Variants in SH3GL2 observed in about 807,000 individuals in gnomAD.
SH3GL2 encodes the protein endophilin-A1.
A neutral mutation model predicts 46.0 loss-of-function variants in SH3GL2; 24 were observed. The observed-to-expected ratio is 0.52, with a 90% confidence interval of 0.38 to 0.73. The LOEUF (loss-of-function observed/expected upper bound fraction) is 0.73. SH3GL2 is among the 30% of genes least tolerant of loss of function. The probability of loss-of-function intolerance (pLI) is 0.00; values close to 1 mark genes in which losing one functional copy is unlikely to be tolerated. For missense variants in SH3GL2, 413 were observed against 424.2 expected, an observed-to-expected ratio of 0.97 and a Z score of 0.23; for synonymous variants, 196 against 147.1, an observed-to-expected ratio of 1.33 and a Z score of -2.40.
At chr9:17,622,027 T>C (rs1044636840) in intron 1 of SH3GL2, among the ~76,000 whole-genome samples, 1 of 152,214 alleles carries the variant, frequency 6.6e-6, no homozygotes, top group Non-Finnish European at 1.5e-5. Context: ...AGCCAGGAGA[T>C]CTGTCTTCTT....
In SH3GL2 at chr9:17,742,759, A is replaced by G. The variant is rs149426285; in HGVS notation, c.46-4307A>G. ...AATAGATTAGAAGTATAAAGTCTCA[A>G]TGCTGTACTAAATGGGCACCATTAA... is the stretch of plus-strand genomic sequence containing the variant. On this transcript the variant is annotated intron_variant, in intron 1 of 8. Coordinates refer to ENST00000380607, the MANE Select transcript of SH3GL2 (RefSeq NM_003026.5). Among the ~76,000 whole-genome samples, 534 of 152,312 alleles carry G rather than the reference A, an allele frequency of 3.5e-3. 4 individuals carry two copies. The highest frequency in any genetic ancestry group is 0.012 in the African/African-American group (497 of 41,574).
At chr9:17,780,178 A>T (rs529792056) in intron 3 of SH3GL2, among the ~76,000 whole-genome samples, 1 of 152,292 alleles carries the variant, frequency 6.6e-6, no homozygotes, top group Non-Finnish European at 1.5e-5. Context: ...TTAAAGGTAC[A>T]TGGTTCAAGA....
chr9:17,733,111 TC>T (rs1822227160), intron 1 of SH3GL2, among the ~76,000 whole-genome samples: 1 of 152,100 alleles, frequency 6.6e-6, no homozygotes, highest in East Asian at 1.9e-4. Flanking sequence ...CTACAGTGAT[TC>T]TTTTTTGATG....
At chr9:17,717,817 A>G (rs1821799214) in intron 1 of SH3GL2, among the ~76,000 whole-genome samples, 1 of 151,806 alleles carries the variant, frequency 6.6e-6, no homozygotes, top group South Asian at 2.1e-4. Context: ...ATTATTTAGT[A>G]GTAGTCAAAG....
At chr9:17,643,761 T>A (rs950810821) in intron 1 of SH3GL2, among the ~76,000 whole-genome samples, 35 of 152,276 alleles carry the variant, frequency 2.3e-4, no homozygotes, top group Admixed American at 2.1e-3. Context: ...ATTTTCACAT[T>A]GGTGTTCATC....
At chr9:17,613,849 T>C (rs925433029) in intron 1 of SH3GL2, among the ~76,000 whole-genome samples, 9 of 152,192 alleles carry the variant, frequency 5.9e-5, no homozygotes, top group African/African-American at 2.2e-4. Context: ...AGCTTTCCTT[T>C]TTCCCCTTCC....
intron 1 of SH3GL2, among the ~76,000 whole-genome samples, chr9:17,700,727 A>G (rs1222983747): frequency 6.6e-6 from 1 of 152,196 alleles, no homozygotes; most frequent in Non-Finnish European, 1.5e-5. Context: ...TCCTGTCAGC[A>G]ATAACGCCAT....
In SH3GL2 at chr9:17,789,470, G is replaced by C; in HGVS notation, c.544G>C (p.Glu182Gln). 2 of 1,613,496 alleles carry C rather than the reference G, an allele frequency of 1.2e-6. No individual in the cohort carries two copies. The highest frequency in any genetic ancestry group is 1.7e-6 in the Non-Finnish European group (2 of 1,179,586). Reference protein sequence around the residue: ...KKRQGKIPDEELRQALEKFDE... With the variant: ...KKRQGKIPDEQLRQALEKFDE... ...ACGACAAGGCAAGATTCCGGATGAA[G>C]AGCTTCGTCAAGCTCTAGAGAAATT... Residue 182 changes from glutamate (E) to glutamine (Q), a missense_variant, in exon 6 of 9, where the codon GAG (glutamate) becomes CAG (glutamine). Glu to Gln is a conservative substitution (Grantham distance 29). This residue lies in a region of SH3GL2 where 248 missense variants were observed against 215.0 expected (regional missense o/e 1.15). Coordinates refer to ENST00000380607, the MANE Select transcript of SH3GL2 (RefSeq NM_003026.5).
chr9:17,595,611 A>C (rs558098437), intron 1 of SH3GL2, among the ~76,000 whole-genome samples: 1 of 152,326 alleles, frequency 6.6e-6, no homozygotes, highest in Non-Finnish European at 1.5e-5. Flanking sequence ...TCACTGTAGT[A>C]GTTATTGTGG....
At chr9:17,585,545 C>G (rs1818358577) in intron 1 of SH3GL2, among the ~76,000 whole-genome samples, 3 of 152,038 alleles carry the variant, frequency 2.0e-5, no homozygotes, top group Admixed American at 1.3e-4. Context: ...AATCACTGTA[C>G]AGGAGGATAG....
chr9:17,659,190 C>T (rs368173060), intron 1 of SH3GL2, among the ~76,000 whole-genome samples: 48 of 152,134 alleles, frequency 3.2e-4, no homozygotes, highest in African/African-American at 1.2e-3. Context: ...AGGTCCCTTC[C>T]TGTATTTACA....
chr9:17,787,654 A>G (rs1008179786), intron 5 of SH3GL2, 141 bp downstream of exon 5: 3 of 636,388 alleles, frequency 4.7e-6, no homozygotes, highest in African/African-American at 3.7e-5. Flanking sequence ...ACCCAGTAAG[A>G]CAAAATGAGA....
intron 1 of SH3GL2, among the ~76,000 whole-genome samples, chr9:17,744,941 C>G (rs1339805918): frequency 6.6e-6 from 1 of 152,258 alleles, no homozygotes; most frequent in East Asian, 1.9e-4. Flanking sequence ...CACCTCTAGC[C>G]TTGTGAGTCT....
intron 1 of SH3GL2, among the ~76,000 whole-genome samples, chr9:17,598,185 A>C (rs1222256690): frequency 6.6e-6 from 1 of 152,188 alleles, no homozygotes; most frequent in Non-Finnish European, 1.5e-5. Flanking sequence ...AGCTCTCACC[A>C]GCTGACGTCA....
chr9:17,738,653 G>GAA (rs1822431805), intron 1 of SH3GL2, among the ~76,000 whole-genome samples: 1 of 110,268 alleles, frequency 9.1e-6, no homozygotes, highest in Non-Finnish European at 2.0e-5. Flanking sequence ...GAGAGAGAGA[G>GAA]AGAGAGAGAG....
rs944763753 is a variant in SH3GL2 at position 17,795,653 on chromosome 9, T to A, written c.969T>A (p.Ile323=). The A allele has an allele frequency of 6.2e-7, 1 of 1,613,946 alleles. No homozygotes were observed. The highest frequency in any genetic ancestry group is 8.5e-7 in the Non-Finnish European group (1 of 1,179,892). The change falls in exon 9 of 9, where the codon ATT becomes ATA. Residue 323 remains isoleucine (I), a synonymous_variant. Transcript: ENST00000380607. ...EGDIITLTNQ[I]DENWYEGMLH... ...ATATCATCACACTCACTAACCAAAT[T>A]GATGAGAACTGGTATGAGGGGATGC...
At chr9:17,643,315 A>ACAAT (rs1456244949) in intron 1 of SH3GL2, among the ~76,000 whole-genome samples, 12 of 152,294 alleles carry the variant, frequency 7.9e-5, no homozygotes, top group African/African-American at 2.6e-4. Context: ...TTCTAAATAT[A>ACAAT]CAATCATGTC....
intron 1 of SH3GL2, among the ~76,000 whole-genome samples, chr9:17,609,303 A>C (rs1344393409): frequency 3.3e-5 from 5 of 152,020 alleles, no homozygotes; most frequent in Admixed American, 3.3e-4. Context: ...GATATTTTGC[A>C]GAGAAAGTTT....
chr9:17,778,990 A>G lies in SH3GL2; in HGVS notation c.188-7391A>G, dbSNP rs912464526. ...AGGCCTACACATCCTAGTACAGTCA[A>G]GTAGGTATTAGAATGCCTTAGTCTG... On this transcript the variant is annotated intron_variant, in intron 3 of 8. Coordinates refer to ENST00000380607, the MANE Select transcript of SH3GL2 (RefSeq NM_003026.5). 1.4e-4 allele frequency among the ~76,000 whole-genome samples: 22 copies of G among 152,224 alleles called. No homozygotes were observed. In the East Asian group the frequency reaches 4.1e-3, roughly 28 times the overall value.
Sources: allele counts gnomAD v4.1 joint callset (sites outside exome capture counted in the v4.1 genomes callset), GRCh38; gene constraint gnomAD v4.1.1; regional missense constraint gnomAD v4.1.1; transcripts MANE v1.5; gene names NCBI Gene and HGNC (gene_info 2026-07-23, HGNC 2026-07-21).